Variants in AGBL1 observed in about 807,000 individuals in gnomAD.
AGBL1 encodes cytosolic carboxypeptidase 4.
Under a neutral mutation model 118.9 loss-of-function variants are expected in AGBL1, and 130 were observed. The observed-to-expected ratio is 1.09, with a 90% confidence interval of 0.95 to 1.26. The LOEUF is 1.26. AGBL1 is among the 50% of genes most tolerant of loss of function. AGBL1 has a pLI of 0.00. For missense variants in AGBL1, 1,584 were observed against 1,298.1 expected, an observed-to-expected ratio of 1.22 and a Z score of -3.38; for synonymous variants, 555 against 478.9, an observed-to-expected ratio of 1.16 and a Z score of -2.08.
chr15:86,262,702 A>C (rs1258943180), intron 9 of AGBL1, 76 bp from the exon 10 acceptor site: 2 of 966,102 alleles, frequency 2.1e-6, no homozygotes, highest in South Asian at 2.8e-5. Flanking sequence ...CTGAAGAAGC[A>C]CATACATATC....
chr15:86,428,353 T>C (rs2081892302), intron 18 of AGBL1, among the ~76,000 whole-genome samples: 1 of 152,002 alleles, frequency 6.6e-6, no homozygotes, highest in Non-Finnish European at 1.5e-5. Context: ...CAATTAACTA[T>C]CCCAAAGTAG....
At chr15:86,170,885 CAAA>C (rs34169705) in intron 5 of AGBL1, among the ~76,000 whole-genome samples, 2 of 137,086 alleles carry the variant, frequency 1.5e-5, no homozygotes, top group African/African-American at 2.6e-5. Flanking sequence ...AAACCAATGA[CAAA>C]AAAAAAAAAA....
At chr15:86,572,023 C>T (rs2447246) in intron 21 of AGBL1, among the ~76,000 whole-genome samples, 14,706 of 152,230 alleles carry the variant, frequency 0.097, 1,066 homozygotes, top group East Asian at 0.34. Context: ...GGGGGCCAAG[C>T]CGGCAGGCGT....
At chr15:86,518,671 T>A (rs2083151070) in intron 18 of AGBL1, among the ~76,000 whole-genome samples, 1 of 152,020 alleles carries the variant, frequency 6.6e-6, no homozygotes, top group African/African-American at 2.4e-5. Context: ...ACAATCAAGG[T>A]AAACATAGGC....
intron 21 of AGBL1, among the ~76,000 whole-genome samples, chr15:86,569,314 C>T: frequency 6.6e-6 from 1 of 151,800 alleles, no homozygotes; most frequent in African/African-American, 2.4e-5. Context: ...GCTTGTGGTT[C>T]CAGCTACTTG....
At chr15:86,210,873 C>T (rs912587967) in intron 5 of AGBL1, among the ~76,000 whole-genome samples, 2 of 152,156 alleles carry the variant, frequency 1.3e-5, no homozygotes, top group African/African-American at 4.8e-5. Flanking sequence ...TGAGGAGCTG[C>T]AATCCTTTGA....
At chr15:86,701,630 C>G (rs2086359555) in intron 22 of AGBL1, among the ~76,000 whole-genome samples, 1 of 150,970 alleles carries the variant, frequency 6.6e-6, no homozygotes, top group Non-Finnish European at 1.5e-5. Context: ...AACATGTCTC[C>G]TCTCCTCTCC....
At chr15:86,224,282 A>G in intron 5 of AGBL1, among the ~76,000 whole-genome samples, 1 of 152,116 alleles carries the variant, frequency 6.6e-6, no homozygotes, top group East Asian at 1.9e-4. Context: ...AGCCACTAAG[A>G]TGTGGGTCAA....
intron 7 of AGBL1, among the ~76,000 whole-genome samples, chr15:86,249,751 C>G (rs901260900): frequency 2.0e-5 from 3 of 152,078 alleles, no homozygotes; most frequent in Admixed American, 6.5e-5. Context: ...AAAAACCAAC[C>G]AAACAATAAA....
intron 21 of AGBL1, among the ~76,000 whole-genome samples, chr15:86,627,817 C>A (rs922685948): frequency 5.9e-5 from 9 of 152,130 alleles, no homozygotes; most frequent in African/African-American, 2.2e-4. Context: ...TGAGACAAAG[C>A]CTTTGGAAAT....
chr15:86,209,322 T>G (rs1567127562), intron 5 of AGBL1, among the ~76,000 whole-genome samples: 1 of 152,190 alleles, frequency 6.6e-6, no homozygotes, highest in Non-Finnish European at 1.5e-5. Context: ...TCTGTAGATG[T>G]CTATTAGGTC....
At chr15:86,949,462 G>GA (rs1255339589) in intron 23 of AGBL1, among the ~76,000 whole-genome samples, 2 of 151,784 alleles carry the variant, frequency 1.3e-5, no homozygotes, top group African/African-American at 2.4e-5. Context: ...TAAACTAGAT[G>GA]AAAAAAATCA....
At chr15:86,191,464 C>T (rs1167557385) in intron 5 of AGBL1, among the ~76,000 whole-genome samples, 1 of 150,050 alleles carries the variant, frequency 6.7e-6, no homozygotes, top group Admixed American at 6.6e-5. Flanking sequence ...TAATTTGTGA[C>T]AGAGAGAGCA....
chr15:86,941,530 A>T (rs1286720905), intron 23 of AGBL1, among the ~76,000 whole-genome samples: 5 of 152,216 alleles, frequency 3.3e-5, no homozygotes, highest in Non-Finnish European at 7.3e-5. Flanking sequence ...CAAAGCTGAG[A>T]TCCAACCTGG....
Position 86,381,131 on chromosome 15 carries a change from C to T in AGBL1, c.2375-16235C>T, listed in dbSNP as rs969185558. Among the ~76,000 whole-genome samples, 33 of 152,134 alleles carry T rather than the reference C, an allele frequency of 2.2e-4. 1 individual carries two copies. Among genetic ancestry groups the T allele is most frequent in the African/African-American group, 4.8e-5 (2 of 41,428 alleles). On this transcript the variant is annotated intron_variant, in intron 17 of 22. Coordinates refer to ENST00000614907, the MANE Select transcript of AGBL1 (RefSeq NM_001386094.1). ...GCAATCACAACCCACATTAAATATC[C>T]TTTTTGTCACTGAATTTGAAAAAGT...
intron 18 of AGBL1, among the ~76,000 whole-genome samples, chr15:86,444,105 T>C (rs1466461458): frequency 6.6e-6 from 1 of 152,200 alleles, no homozygotes; most frequent in Non-Finnish European, 1.5e-5. Context: ...TCCACAACCT[T>C]GCCAGCACTT....
At chr15:86,958,576 T>A (rs950371283) in intron 23 of AGBL1, among the ~76,000 whole-genome samples, 5 of 152,116 alleles carry the variant, frequency 3.3e-5, no homozygotes, top group Non-Finnish European at 7.4e-5. Flanking sequence ...AGAAAACAAT[T>A]AATGAAATAG....
chr15:86,266,286 C>T lies in AGBL1; in HGVS notation c.1668-88C>T, dbSNP rs1319393621. 1.1e-5 allele frequency: 10 copies of T among 874,934 alleles called. 1 individual carries two copies. The highest frequency in any genetic ancestry group is 1.7e-6 in the Non-Finnish European group (1 of 578,466). The allele number at this position is 874,934 out of a possible 1,614,324, so 54.2% of individuals were successfully genotyped here. On this transcript the variant is annotated intron_variant, in intron 11 of 22. Coordinates refer to ENST00000614907, the MANE Select transcript of AGBL1 (RefSeq NM_001386094.1). Reference sequence around the variant, plus strand: ...CTGTGCTTTCATATTTTTCTGGTGACCCCCAAAGTTCTTCCCAGGTGATCA... The same window carrying T: ...CTGTGCTTTCATATTTTTCTGGTGATCCCCAAAGTTCTTCCCAGGTGATCA...
intron 9 of AGBL1, 177 bp from the exon 10 acceptor site, chr15:86,262,601 T>C (rs1355460717): frequency 1.5e-6 from 1 of 674,458 alleles, no homozygotes; most frequent in East Asian, 2.8e-5. Flanking sequence ...CTTCTTTCTT[T>C]TTATTTTAAA....
Sources: gnomAD v4.1 joint callset for allele counts (sites outside exome capture counted in the v4.1 genomes callset) on GRCh38, gnomAD v4.1.1 for gene constraint, MANE v1.5 for transcripts, NCBI Gene and HGNC (gene_info 2026-07-23, HGNC 2026-07-21) for gene names.